The following CCDC149 variants were observed in gnomAD, a reference collection of about 807,000 sequenced individuals.
The protein encoded by CCDC149 is coiled-coil domain containing 149.
In CCDC149, 45 loss-of-function variants were observed where a neutral mutation model predicts 59.9. That is an observed-to-expected ratio of 0.75 (90% CI 0.59 to 0.96). The LOEUF (loss-of-function observed/expected upper bound fraction) is 0.96. CCDC149 is among the 40% of genes least tolerant of loss of function. The pLI is 0.00. For synonymous variants in CCDC149, 245 were observed against 260.6 expected, an observed-to-expected ratio of 0.94 and a Z score of 0.58; for missense variants, 584 against 664.7, an observed-to-expected ratio of 0.88 and a Z score of 1.33.
chr4:24,877,851 A>G (rs6842931), intron 1 of CCDC149, among the ~76,000 whole-genome samples: 140,817 of 152,212 alleles, frequency 0.93, 65,219 homozygotes, highest in African/African-American at 0.95. Flanking sequence ...ACTGGCCAGC[A>G]TGGGCCCGAA....
intron 4 of CCDC149, among the ~76,000 whole-genome samples, chr4:24,838,563 G>A (rs543387567): frequency 3.9e-4 from 60 of 152,144 alleles, no homozygotes; most frequent in African/African-American, 1.3e-3. Flanking sequence ...AAAATTTAGC[G>A]AAGATTCAAA....
chr4:24,868,708 G>A (rs1718846839), intron 3 of CCDC149, among the ~76,000 whole-genome samples: 1 of 152,118 alleles, frequency 6.6e-6, no homozygotes. Flanking sequence ...TTGCTACAAT[G>A]CAAGTTCCAA....
In CCDC149 at chr4:24,899,153, C is replaced by T. The variant is rs554168776; in HGVS notation, c.63+13664G>A. On this transcript the variant is annotated intron_variant, in intron 1 of 12. Transcript: ENST00000635206. ...CCAGGGAGAGGGGTTGAGAATCTGG[C>T]CACAGTGAAAGAGTGGGAATGGTGA... Among the ~76,000 whole-genome samples, 3 of 152,194 alleles carry T rather than the reference C, an allele frequency of 2.0e-5. No individual in the cohort carries two copies. In the South Asian group the frequency reaches 6.2e-4, roughly 32 times the overall value.
chr4:24,806,467 T>C lies in CCDC149; in HGVS notation c.*1922A>G, dbSNP rs1714180575. 3 of 152,212 alleles carry C rather than the reference T, an allele frequency of 2.0e-5. No individual in the cohort carries two copies. The highest frequency in any genetic ancestry group is 4.1e-4 in the South Asian group (2 of 4,828). 9.4% of individuals were successfully genotyped at this position (152,212 alleles called of 1,614,324 possible). ...GCCCTGAAGATGTGCATCTGGCCGA[T>C]GGTGGGTCAAAACCAGAGTTCTGCA... On this transcript the variant is annotated 3_prime_UTR_variant, in exon 13 of 13. Transcript: ENST00000635206.
At chr4:24,815,691 G>T (rs1422526035) in intron 12 of CCDC149, among the ~76,000 whole-genome samples, 1 of 152,144 alleles carries the variant, frequency 6.6e-6, no homozygotes, top group Non-Finnish European at 1.5e-5. Context: ...AGTGAGGGTG[G>T]TCTAAATTAC....
chr4:24,873,279 C>T (rs912857748), intron 3 of CCDC149, among the ~76,000 whole-genome samples: 6 of 152,184 alleles, frequency 3.9e-5, no homozygotes, highest in Admixed American at 2.6e-4. Flanking sequence ...GGTATGTGTC[C>T]ACTGAATGGT....
chr4:24,813,778 G>A (rs1382014137), intron 12 of CCDC149, among the ~76,000 whole-genome samples: 1 of 152,044 alleles, frequency 6.6e-6, no homozygotes, highest in African/African-American at 2.4e-5. Context: ...TAAAATGACT[G>A]AACATTGGTA....
chr4:24,889,020 G>T (rs1720369149), intron 1 of CCDC149, among the ~76,000 whole-genome samples: 1 of 152,050 alleles, frequency 6.6e-6, no homozygotes, highest in Admixed American at 6.6e-5. Context: ...TGCCCCAGGG[G>T]ATGTGCTGAA....
At chr4:24,973,533 T>C (rs1393506125) in intron 1 of CCDC149, among the ~76,000 whole-genome samples, 1 of 152,244 alleles carries the variant, frequency 6.6e-6, no homozygotes, top group Non-Finnish European at 1.5e-5. Flanking sequence ...TGATTAAGCA[T>C]GCCTGAGGCT....
intron 1 of CCDC149, among the ~76,000 whole-genome samples, chr4:24,974,368 T>C (rs1724087199): frequency 1.3e-5 from 2 of 152,316 alleles, no homozygotes. Context: ...TCTTTGCTTT[T>C]TCAGCAATTC....
At chr4:24,891,139 G>A (rs16876333) in intron 1 of CCDC149, among the ~76,000 whole-genome samples, 19,418 of 152,206 alleles carry the variant, frequency 0.13, 1,468 homozygotes, top group African/African-American at 0.21. Flanking sequence ...ATAAACTCCA[G>A]ATACTACTGA....
chr4:24,888,624 G>C (rs1720339986), intron 1 of CCDC149, among the ~76,000 whole-genome samples: 1 of 152,136 alleles, frequency 6.6e-6, no homozygotes, highest in South Asian at 2.1e-4. Flanking sequence ...CTCCAGACAT[G>C]GGTTTGGTTA....
intron 1 of CCDC149, among the ~76,000 whole-genome samples, chr4:24,972,819 T>G (rs13111627): frequency 0.69 from 105,117 of 152,158 alleles, 36,496 homozygotes; most frequent in Non-Finnish European, 0.71. Flanking sequence ...AGCCTGCAAC[T>G]TTGTTTTTGT....
At chr4:24,828,223 C>T (rs1715892249) in intron 9 of CCDC149, 1 of 142,344 alleles carries the variant, frequency 7.0e-6, no homozygotes, top group South Asian at 2.2e-4. Context: ...AATCAAGATG[C>T]AGAATAATGA....
At chr4:24,956,274 G>A (rs1285949915) in intron 1 of CCDC149, among the ~76,000 whole-genome samples, 1 of 151,492 alleles carries the variant, frequency 6.6e-6, no homozygotes, top group East Asian at 1.9e-4. Context: ...ACTTGCCCCA[G>A]GCCTGATAGT....
intron 1 of CCDC149, among the ~76,000 whole-genome samples, chr4:24,895,462 C>A (rs997474900): frequency 1.3e-5 from 2 of 152,102 alleles, no homozygotes; most frequent in Admixed American, 1.3e-4. Context: ...TTGTAGGTGG[C>A]TTTTTTTCTT....
rs1287593415 is a variant in CCDC149 at position 24,853,110 on chromosome 4, G to A, written c.334C>T (p.Leu112Phe). 5.0e-6 allele frequency: 8 copies of A among 1,613,812 alleles called. No homozygotes were observed. The highest frequency in any genetic ancestry group is 1.1e-5 in the South Asian group (1 of 91,084). Residue 112 changes from leucine (L) to phenylalanine (F), a missense_variant, in exon 4 of 13, where the codon CTT (leucine) becomes TTT (phenylalanine). By Grantham distance (22) the Leu-to-Phe change is conservative (BLOSUM62 0). Coordinates refer to ENST00000635206, the MANE Select transcript of CCDC149 (RefSeq NM_001330643.2). ...TGGACTTCTCCAAGCCTTTGCTGAA[G>A]TTCTTTAATTTCTTCTCCCAGATGT...
chr4:24,895,080 C>T (rs560687730), intron 1 of CCDC149: 112 of 1,398,964 alleles, frequency 8.0e-5, no homozygotes, highest in Admixed American at 4.5e-4. Context: ...GAGTTAATGA[C>T]GTGGCAACTA....
intron 4 of CCDC149, among the ~76,000 whole-genome samples, chr4:24,839,555 C>T (rs1450554724): frequency 6.6e-6 from 1 of 152,184 alleles, no homozygotes; most frequent in African/African-American, 2.4e-5. Flanking sequence ...TTAATATCCT[C>T]AGGAATAAAA....
Sources: gnomAD v4.1 joint callset for allele counts (sites outside exome capture counted in the v4.1 genomes callset) on GRCh38, gnomAD v4.1.1 for gene constraint, MANE v1.5 for transcripts, NCBI Gene and HGNC (gene_info 2026-07-23, HGNC 2026-07-21) for gene names.